NR6A1: variants seen among roughly 807,000 people sequenced by gnomAD.
NR6A1 encodes the protein retinoic acid receptor-related testis-associated receptor.
In NR6A1, 7 loss-of-function variants were observed where a neutral mutation model predicts 59.1. The observed-to-expected ratio is 0.12, with a 90% CI of 0.07 to 0.22. The LOEUF is 0.22. NR6A1 is among the 10% of genes least tolerant of loss of function. NR6A1 has a pLI of 1.00. For missense variants in NR6A1, 468 were observed against 611.6 expected (o/e 0.77, Z 2.48); for synonymous variants, 243 against 236.1 (o/e 1.03, Z -0.27).
intron 2 of NR6A1, among the ~76,000 whole-genome samples, chr9:124,726,232 T>G (rs1255436824): frequency 6.6e-6 from 1 of 152,154 alleles, no homozygotes; most frequent in Non-Finnish European, 1.5e-5. Flanking sequence ...TAGTGGTAGG[T>G]GAGCACCAGT....
intron 2 of NR6A1, among the ~76,000 whole-genome samples, chr9:124,657,983 G>A (rs1837314016): frequency 6.6e-6 from 1 of 151,924 alleles, no homozygotes; most frequent in South Asian, 2.1e-4. Flanking sequence ...CAAGACCAAG[G>A]GTTGGTCTGG....
chr9:124,549,162 CAG>C (rs1046013757), intron 3 of NR6A1, among the ~76,000 whole-genome samples: 1 of 152,180 alleles, frequency 6.6e-6, no homozygotes, highest in Non-Finnish European at 1.5e-5. Flanking sequence ...GGGATGGTGT[CAG>C]AGAAGGCTTC....
intron 1 of NR6A1, among the ~76,000 whole-genome samples, chr9:124,760,610 T>A (rs930543654): frequency 6.6e-6 from 1 of 152,210 alleles, no homozygotes; most frequent in Non-Finnish European, 1.5e-5. Flanking sequence ...AAATTATTAA[T>A]GCTGTTACTA....
chr9:124,522,879 G>A, intron 9 of NR6A1, 86 bp from the exon 10 acceptor site: 2 of 1,016,788 alleles, frequency 2.0e-6, no homozygotes, highest in East Asian at 2.8e-5. Context: ...TGGAGGCAGA[G>A]TATCACCTTG....
chr9:124,566,378 A>G (rs1178305198), intron 2 of NR6A1, among the ~76,000 whole-genome samples: 1 of 152,250 alleles, frequency 6.6e-6, no homozygotes, highest in Admixed American at 6.5e-5. Flanking sequence ...ATTTATCTTT[A>G]AGTATTAATA....
intron 2 of NR6A1, among the ~76,000 whole-genome samples, chr9:124,593,534 G>A (rs1356626982): frequency 1.3e-5 from 2 of 152,122 alleles, no homozygotes; most frequent in African/African-American, 4.8e-5. Flanking sequence ...TACAGTATTA[G>A]CATGAGGACA....
At chr9:124,549,426 C>G (rs1833702528) in intron 3 of NR6A1, among the ~76,000 whole-genome samples, 1 of 152,130 alleles carries the variant, frequency 6.6e-6, no homozygotes, top group Admixed American at 6.5e-5. Flanking sequence ...CTGACTTTAT[C>G]CCGAAGACTG....
intron 2 of NR6A1, among the ~76,000 whole-genome samples, chr9:124,640,537 C>T (rs1354923100): frequency 2.6e-5 from 4 of 152,002 alleles, no homozygotes; most frequent in Non-Finnish European, 4.4e-5. Context: ...GTGGCTAGGG[C>T]TACAGGAGTA....
At chr9:124,527,166 T>C (rs976245510) in intron 7 of NR6A1, among the ~76,000 whole-genome samples, 3 of 152,208 alleles carry the variant, frequency 2.0e-5, no homozygotes, top group African/African-American at 7.2e-5. Flanking sequence ...GGCAAGGTCA[T>C]CTGACCCCTC....
intron 6 of NR6A1, among the ~76,000 whole-genome samples, chr9:124,537,667 A>G (rs1488531784): frequency 6.6e-6 from 1 of 152,206 alleles, no homozygotes; most frequent in African/African-American, 2.4e-5. Flanking sequence ...AAGTGGTCAC[A>G]TGCCACCAGG....
At chr9:124,696,116 T>C (rs1197718061) in intron 2 of NR6A1, among the ~76,000 whole-genome samples, 1 of 152,106 alleles carries the variant, frequency 6.6e-6, no homozygotes, top group Non-Finnish European at 1.5e-5. Context: ...GGAATGGCAC[T>C]GAAAAGGTAA....
intron 4 of NR6A1, among the ~76,000 whole-genome samples, chr9:124,542,254 G>A (rs937736868): frequency 1.3e-5 from 2 of 152,156 alleles, no homozygotes; most frequent in Admixed American, 6.5e-5. Flanking sequence ...ACATATATAT[G>A]ACTTGAATAA....
chr9:124,717,492 T>G (rs1410823138), intron 2 of NR6A1, among the ~76,000 whole-genome samples: 1 of 152,144 alleles, frequency 6.6e-6, no homozygotes, highest in East Asian at 1.9e-4. Context: ...CATATATACA[T>G]GACATTTTAG....
intron 1 of NR6A1, among the ~76,000 whole-genome samples, chr9:124,749,412 G>C (rs1001607558): frequency 6.6e-6 from 1 of 152,134 alleles, no homozygotes; most frequent in African/African-American, 2.4e-5. Context: ...CACACACTTA[G>C]GGAATAGGAC....
At chr9:124,668,298 G>C (rs1396521017) in intron 2 of NR6A1, among the ~76,000 whole-genome samples, 1 of 152,160 alleles carries the variant, frequency 6.6e-6, no homozygotes, top group African/African-American at 2.4e-5. Flanking sequence ...AAGAGGAGGA[G>C]GAAGAGAAGG....
intron 2 of NR6A1, among the ~76,000 whole-genome samples, chr9:124,628,877 C>T (rs1347188127): frequency 6.6e-6 from 1 of 152,072 alleles, no homozygotes; most frequent in Non-Finnish European, 1.5e-5. Context: ...CCAGGCTGGT[C>T]TCGAACTCCC....
intron 2 of NR6A1, among the ~76,000 whole-genome samples, chr9:124,627,908 T>TTTC (rs1836295588): frequency 9.0e-6 from 1 of 111,714 alleles, no homozygotes; most frequent in Non-Finnish European, 1.8e-5. Context: ...TTTTTTTTTT[T>TTTC]TTCAAAACAA....
At chr9:124,610,619 T>C (rs1835710657) in intron 2 of NR6A1, among the ~76,000 whole-genome samples, 2 of 152,168 alleles carry the variant, frequency 1.3e-5, no homozygotes, top group African/African-American at 2.4e-5. Context: ...CCTCATAAAA[T>C]GAGTTAGGGA....
intron 2 of NR6A1, among the ~76,000 whole-genome samples, chr9:124,676,792 T>C (rs2130982148): frequency 6.6e-6 from 1 of 152,280 alleles, no homozygotes; most frequent in South Asian, 2.1e-4. Flanking sequence ...AATGTCACCG[T>C]TTGGGACAGT....
Sources: gnomAD v4.1 joint callset for allele counts (sites outside exome capture counted in the v4.1 genomes callset) on GRCh38, gnomAD v4.1.1 for gene constraint, MANE v1.5 for transcripts, NCBI Gene and HGNC (gene_info 2026-07-23, HGNC 2026-07-21) for gene names.